MALRD1: variants seen among roughly 807,000 people sequenced by gnomAD.
The protein encoded by MALRD1 is MAM and LDL-receptor class A domain-containing protein 1.
A neutral mutation model predicts 242.1 loss-of-function variants in MALRD1; 247 were observed. That is an observed-to-expected ratio of 1.02 (90% CI 0.92 to 1.13). MALRD1 has a LOEUF of 1.13. MALRD1 is among the 50% of genes most tolerant of loss of function. The pLI, the probability that MALRD1 is intolerant of heterozygous loss-of-function variation, is 0.00. For missense variants in MALRD1, 2,989 were observed against 2,533.1 expected (o/e 1.18, Z -3.86); for synonymous variants, 995 against 866.6 (o/e 1.15, Z -2.60).
At chr10:19,706,751 A>G (rs1367422983) in intron 38 of MALRD1, among the ~76,000 whole-genome samples, 1 of 152,146 alleles carries the variant, frequency 6.6e-6, no homozygotes, top group Admixed American at 6.6e-5. Flanking sequence ...GAAGGATAGC[A>G]GTTGGATCTA....
chr10:19,689,458 T>C (rs1243891241), intron 36 of MALRD1, among the ~76,000 whole-genome samples: 4 of 152,172 alleles, frequency 2.6e-5, no homozygotes, highest in Admixed American at 6.5e-5. Flanking sequence ...TTCTTCACTA[T>C]AGAACATTTT....
At chr10:19,636,898 C>CAAAAA (rs5783689) in intron 36 of MALRD1, among the ~76,000 whole-genome samples, 6 of 95,302 alleles carry the variant, frequency 6.3e-5, no homozygotes, top group African/African-American at 1.4e-4. Flanking sequence ...GACTCTGTCT[C>CAAAAA]AAAAAAAAAA....
chr10:19,385,938 A>G (rs970350913), intron 26 of MALRD1, among the ~76,000 whole-genome samples: 3 of 152,074 alleles, frequency 2.0e-5, no homozygotes, highest in Admixed American at 6.6e-5. Context: ...TTCATAAAAT[A>G]TTAATAATTA....
chr10:19,502,033 AAAG>A (rs1237490097), intron 31 of MALRD1, among the ~76,000 whole-genome samples: 5,173 of 139,692 alleles, frequency 0.037, 411 homozygotes, highest in African/African-American at 0.14. Flanking sequence ...AAAGAAAAGA[AAAG>A]AAAAGAAAAG....
intron 36 of MALRD1, among the ~76,000 whole-genome samples, chr10:19,635,086 C>T (rs529664300): frequency 1.3e-5 from 2 of 152,230 alleles, no homozygotes; most frequent in Admixed American, 1.3e-4. Context: ...AGGAATAATC[C>T]CTAAGGTGAT....
intron 5 of MALRD1, among the ~76,000 whole-genome samples, chr10:19,106,609 G>C (rs148560984): frequency 0.011 from 1,718 of 151,400 alleles, 24 homozygotes; most frequent in African/African-American, 0.04. Context: ...CTTTGGTATT[G>C]CTTTGTTTAG....
intron 5 of MALRD1, among the ~76,000 whole-genome samples, chr10:19,122,932 GC>G (rs1837116977): frequency 6.6e-6 from 1 of 152,072 alleles, no homozygotes; most frequent in African/African-American, 2.4e-5. Flanking sequence ...CACCATGTTG[GC>G]CAGGCTCATC....
chr10:19,136,471 A>T, intron 9 of MALRD1, 103 bp from the exon 10 acceptor site: 1 of 627,772 alleles, frequency 1.6e-6, no homozygotes, highest in Non-Finnish European at 2.3e-6. Flanking sequence ...GGTTGCTTTA[A>T]ACACTTTTTC....
At chr10:19,401,653 T>C (rs1007725900) in intron 28 of MALRD1, among the ~76,000 whole-genome samples, 1 of 152,136 alleles carries the variant, frequency 6.6e-6, no homozygotes, top group African/African-American at 2.4e-5. Flanking sequence ...AAAATAACTT[T>C]TGTAGAATTA....
chr10:19,558,537 T>G (rs1835823680), intron 32 of MALRD1, among the ~76,000 whole-genome samples: 1 of 152,192 alleles, frequency 6.6e-6, no homozygotes, highest in African/African-American at 2.4e-5. Context: ...TGGATTACAT[T>G]AATTGATTTT....
intron 21 of MALRD1, among the ~76,000 whole-genome samples, chr10:19,287,658 G>C (rs954722106): frequency 1.3e-5 from 2 of 152,000 alleles, no homozygotes; most frequent in African/African-American, 4.8e-5. Context: ...ATTTGGTAAT[G>C]GTGCTGGGAT....
intron 14 of MALRD1, among the ~76,000 whole-genome samples, chr10:19,182,107 G>A (rs1263740487): frequency 6.6e-6 from 1 of 151,864 alleles, no homozygotes; most frequent in Non-Finnish European, 1.5e-5. Flanking sequence ...AGTGTCTATT[G>A]CAAGTTCTGC....
chr10:19,530,438 AAT>A (rs1564417573), intron 31 of MALRD1, among the ~76,000 whole-genome samples: 2 of 44,330 alleles, frequency 4.5e-5, no homozygotes, highest in East Asian at 6.0e-4. Context: ...TAATATATAT[AAT>A]ATATAATATA....
intron 13 of MALRD1, among the ~76,000 whole-genome samples, chr10:19,171,371 A>G (rs893991553): frequency 2.7e-5 from 4 of 148,658 alleles, no homozygotes; most frequent in African/African-American, 7.5e-5. Context: ...CTGATTACCA[A>G]TTGATGCTGA....
intron 34 of MALRD1, among the ~76,000 whole-genome samples, chr10:19,596,897 GAT>G (rs1270232335): frequency 6.6e-6 from 1 of 151,668 alleles, no homozygotes; most frequent in Non-Finnish European, 1.5e-5. Context: ...AGGAAGGAAA[GAT>G]GGAAAGATGG....
intron 18 of MALRD1, among the ~76,000 whole-genome samples, chr10:19,226,369 A>T (rs1035297865): frequency 2.0e-5 from 3 of 152,192 alleles, no homozygotes; most frequent in Admixed American, 2.0e-4. Context: ...TATAGCAAAC[A>T]TCTTACTTAA....
intron 36 of MALRD1, among the ~76,000 whole-genome samples, chr10:19,685,261 G>T (rs1462373421): frequency 6.6e-6 from 1 of 151,660 alleles, no homozygotes; most frequent in East Asian, 1.9e-4. Context: ...TTTCTATTTT[G>T]CATCTTAGTT....
intron 29 of MALRD1, among the ~76,000 whole-genome samples, chr10:19,451,738 T>G (rs540458404): frequency 6.6e-6 from 1 of 152,306 alleles, no homozygotes; most frequent in African/African-American, 2.4e-5. Flanking sequence ...TTTTTATGAG[T>G]GGTACTGTTT....
chr10:19,580,928 C>A (rs1173787902), intron 33 of MALRD1, among the ~76,000 whole-genome samples: 1 of 151,212 alleles, frequency 6.6e-6, no homozygotes, highest in Non-Finnish European at 1.5e-5. Context: ...AGTCTTTAGT[C>A]AAATAGAGGT....
Sources: gnomAD v4.1 joint callset for allele counts (sites outside exome capture counted in the v4.1 genomes callset) on GRCh38, gnomAD v4.1.1 for gene constraint, MANE v1.5 for transcripts, NCBI Gene and HGNC (gene_info 2026-07-23, HGNC 2026-07-21) for gene names.